Variants in USH2A observed in about 807,000 individuals in gnomAD.
USH2A encodes the protein usherin.
In USH2A, 443 loss-of-function variants were observed where a neutral mutation model predicts 538.9. That is an observed-to-expected ratio of 0.82 (90% CI 0.76 to 0.89). USH2A has a LOEUF of 0.89. Ranked by LOEUF, USH2A falls within the 40% of genes least tolerant of loss-of-function variation. The pLI, the probability that USH2A is intolerant of heterozygous loss-of-function variation, is 0.00. For missense variants in USH2A, 6,633 were observed against 6,324.8 expected (o/e 1.05, Z -1.65); for synonymous variants, 2,413 against 2,273.5 (o/e 1.06, Z -1.75).
intron 44 of USH2A, among the ~76,000 whole-genome samples, chr1:215,863,471 C>A (rs1664383755): frequency 6.6e-6 from 1 of 152,210 alleles, no homozygotes; most frequent in Non-Finnish European, 1.5e-5. Flanking sequence ...TTCTAGCTAT[C>A]AAACCTGGTA....
At chr1:216,125,532 G>A (rs186345233) in intron 21 of USH2A, among the ~76,000 whole-genome samples, 150 of 152,330 alleles carry the variant, frequency 9.8e-4, no homozygotes, top group African/African-American at 3.5e-3. Flanking sequence ...TAGTAGGCGA[G>A]CTTTAAACAT....
intron 20 of USH2A, among the ~76,000 whole-genome samples, chr1:216,177,422 GA>G (rs1396177251): frequency 1.3e-5 from 2 of 152,076 alleles, no homozygotes; most frequent in Non-Finnish European, 2.9e-5. Flanking sequence ...TGATCTAAAT[GA>G]AAGCAAACAA....
intron 30 of USH2A, among the ~76,000 whole-genome samples, chr1:216,066,475 G>GTAA (rs369884149): frequency 1.3e-5 from 2 of 151,280 alleles, no homozygotes; most frequent in Non-Finnish European, 2.9e-5. Flanking sequence ...AATAATAATA[G>GTAA]TAATAATAAT....
At chr1:215,692,710 A>C (rs944088296) in intron 61 of USH2A, among the ~76,000 whole-genome samples, 2 of 152,132 alleles carry the variant, frequency 1.3e-5, no homozygotes, top group African/African-American at 2.4e-5. Flanking sequence ...ACCAGGCTAT[A>C]TCTATGAGGA....
At chr1:216,153,772 C>T (rs2033886642) in intron 21 of USH2A, among the ~76,000 whole-genome samples, 1 of 152,100 alleles carries the variant, frequency 6.6e-6, no homozygotes, top group African/African-American at 2.4e-5. Context: ...GAGGCTTTAA[C>T]AGCTCTGTAA....
At chr1:216,390,053 G>T (rs2039079164) in intron 3 of USH2A, among the ~76,000 whole-genome samples, 1 of 152,128 alleles carries the variant, frequency 6.6e-6, no homozygotes. Flanking sequence ...AGTAAATGTA[G>T]AGAAAATAAT....
intron 19 of USH2A, among the ~76,000 whole-genome samples, chr1:216,195,136 A>T (rs2034809819): frequency 6.6e-6 from 1 of 152,142 alleles, no homozygotes; most frequent in South Asian, 2.1e-4. Flanking sequence ...ATGCAGCTAG[A>T]GCTACTTTTT....
At chr1:215,848,749 A>G (rs1663931713) in intron 44 of USH2A, among the ~76,000 whole-genome samples, 1 of 152,216 alleles carries the variant, frequency 6.6e-6, no homozygotes, top group South Asian at 2.1e-4. Context: ...TTCTCCACTC[A>G]TGTGGATGTT....
intron 38 of USH2A, among the ~76,000 whole-genome samples, chr1:215,921,901 A>G (rs1043012561): frequency 1.3e-5 from 2 of 152,072 alleles, no homozygotes; most frequent in Non-Finnish European, 2.9e-5. Context: ...CTATCTTGGT[A>G]TGAGTGATCA....
chr1:216,042,262 T>G (rs2030309523), intron 32 of USH2A, among the ~76,000 whole-genome samples: 1 of 152,048 alleles, frequency 6.6e-6, no homozygotes, highest in Admixed American at 6.6e-5. Flanking sequence ...AGGAATTCCA[T>G]CAAATATTAT....
At chr1:216,157,921 C>A (rs376217407) in intron 21 of USH2A, among the ~76,000 whole-genome samples, 4 of 152,014 alleles carry the variant, frequency 2.6e-5, no homozygotes, top group Non-Finnish European at 5.9e-5. Context: ...GTAACAAACC[C>A]GCATGTTGTA....
chr1:215,789,960 A>G (rs1478421852), intron 51 of USH2A, 99 bp downstream of exon 51: 12 of 1,117,072 alleles, frequency 1.1e-5, no homozygotes, highest in Non-Finnish European at 1.6e-5. Context: ...TAATGCACAC[A>G]GGAGTTTTTA....
intron 61 of USH2A, among the ~76,000 whole-genome samples, chr1:215,714,078 G>A (rs928552296): frequency 6.6e-6 from 1 of 152,170 alleles, no homozygotes; most frequent in South Asian, 2.1e-4. Flanking sequence ...TGTGGAAGTT[G>A]TCAGCTTATA....
At chr1:216,196,057 T>C (rs1442007624) in intron 19 of USH2A, 1 of 173,482 alleles carries the variant, frequency 5.8e-6, no homozygotes, top group Non-Finnish European at 1.3e-5. Flanking sequence ...ATTCAAAACT[T>C]TGAACATATT....
chr1:216,002,502 T>C (rs917335425), intron 32 of USH2A, among the ~76,000 whole-genome samples: 1 of 151,966 alleles, frequency 6.6e-6, no homozygotes. Flanking sequence ...TTCAGTGCAA[T>C]TGGAGAAAAC....
chr1:216,124,503 C>T (rs181427932), intron 21 of USH2A, among the ~76,000 whole-genome samples: 27 of 152,136 alleles, frequency 1.8e-4, no homozygotes, highest in African/African-American at 6.5e-4. Context: ...GAGGGAAACC[C>T]CTCCAGATAG....
At chr1:215,826,473 A>G (rs1296809686) in intron 47 of USH2A, among the ~76,000 whole-genome samples, 4 of 152,216 alleles carry the variant, frequency 2.6e-5, no homozygotes, top group Non-Finnish European at 1.5e-5. Context: ...AAAATGGAAT[A>G]GGAAAGAAAG....
chr1:216,156,734 T>C (rs910893346), intron 21 of USH2A, among the ~76,000 whole-genome samples: 5 of 151,564 alleles, frequency 3.3e-5, no homozygotes, highest in African/African-American at 1.2e-4. Context: ...ATCCACAGAG[T>C]AAACAGACAG....
chr1:215,896,125 C>CT (rs1488401719), intron 40 of USH2A, among the ~76,000 whole-genome samples: 4 of 152,140 alleles, frequency 2.6e-5, no homozygotes, highest in Non-Finnish European at 5.9e-5. Context: ...GAAAAGTTGT[C>CT]TAAGTAAACC....
Sources: gnomAD v4.1 joint callset for allele counts (sites outside exome capture counted in the v4.1 genomes callset) on GRCh38, gnomAD v4.1.1 for gene constraint, MANE v1.5 for transcripts, NCBI Gene and HGNC (gene_info 2026-07-23, HGNC 2026-07-21) for gene names.